Variants in GRIP2 observed in about 807,000 individuals in gnomAD.
The protein encoded by GRIP2 is glutamate receptor interacting protein 2, also known as glutamate receptor-interacting protein 2.
In GRIP2, 58 loss-of-function variants were observed where a neutral mutation model predicts 108.3. The observed-to-expected ratio is 0.54, with a 90% CI of 0.43 to 0.67. The LOEUF is 0.67. Ranked by LOEUF, GRIP2 falls within the 30% of genes least tolerant of loss-of-function variation. GRIP2 has a pLI of 0.00. For synonymous variants in GRIP2, 586 were observed against 598.2 expected (o/e 0.98, Z 0.30); for missense variants, 1,278 against 1,430.6 (o/e 0.89, Z 1.72).
chr3:14,535,242 T>C (rs1365847473), intron 1 of GRIP2, among the ~76,000 whole-genome samples: 1 of 152,152 alleles, frequency 6.6e-6, no homozygotes, highest in Non-Finnish European at 1.5e-5. Context: ...AAGGGAGGGA[T>C]AGGCTTTGGA....
In GRIP2 at chr3:14,523,912, T is replaced by C. The variant is rs1694480581; in HGVS notation, c.404-214A>G. 4 of 568,180 alleles carry C rather than the reference T, an allele frequency of 7.0e-6. No individual in the cohort carries two copies. In the East Asian group the frequency reaches 1.2e-4, roughly 16 times the overall value. 35.2% of individuals were successfully genotyped at this position (568,180 alleles called of 1,614,324 possible). A position where few individuals can be genotyped will look rare whatever the true frequency, so the allele number is the denominator to read the frequency against. On this transcript the variant is annotated intron_variant, in intron 4 of 23. Coordinates refer to ENST00000621039, the MANE Select transcript of GRIP2 (RefSeq NM_001080423.4). ...CACCACTGAGAGAGAGGAAAGGGCC[T>C]GCCCATGCTCACAGAGACGACGGCA...
intron 1 of GRIP2, among the ~76,000 whole-genome samples, chr3:14,527,654 T>A (rs1321656322): frequency 6.6e-6 from 1 of 151,714 alleles, no homozygotes; most frequent in Non-Finnish European, 1.5e-5. Flanking sequence ...CTTTGGGAGG[T>A]CAAGGTGGGC....
chr3:14,585,360 G>A, the GRIP2 span, among the ~76,000 whole-genome samples: 1 of 152,236 alleles, frequency 6.6e-6, no homozygotes, highest in Non-Finnish European at 1.5e-5. Flanking sequence ...ATTTTTAAAG[G>A]TGTTTGATTT....
the GRIP2 span, among the ~76,000 whole-genome samples, chr3:14,595,182 G>A: frequency 7.8e-4 from 118 of 152,132 alleles, 1 homozygote; most frequent in Middle Eastern, 3.4e-3. Flanking sequence ...ACAGATGTGC[G>A]CCACCACACC....
At chr3:14,562,249 G>C in the GRIP2 span, among the ~76,000 whole-genome samples, 368 of 152,292 alleles carry the variant, frequency 2.4e-3, no homozygotes, top group African/African-American at 8.4e-3. Context: ...GGCTGAGGCA[G>C]GGAAAATGCA....
In GRIP2 at chr3:14,512,779, C is replaced by T. The variant is rs754688569; in HGVS notation, c.1718G>A (p.Ser573Asn). ...AACAGCAGCGGGAGGAGACTCACAG[C>T]TGATGGTGATGCCCAGCTCCACGCT... The part of the protein sequence containing the change: ...KRSVELGITI[S>N]SASRKRGEPL... The change falls in exon 14 of 24, where the codon AGC becomes AAC. Residue 573 changes from serine (S) to asparagine (N), a missense_variant and splice_region_variant. Physicochemically the swap from Ser to Asn is conservative, Grantham distance 46 (BLOSUM62 1). Coordinates refer to ENST00000621039, the MANE Select transcript of GRIP2 (RefSeq NM_001080423.4). This position sits in a 1 kb window ranked among gnomAD's most constrained non-coding sequence, Gnocchi z 5.1. 1.2e-5 allele frequency: 20 copies of T among 1,613,252 alleles called. No individual in the cohort carries two copies. The highest frequency in any genetic ancestry group is 1.6e-5 in the Non-Finnish European group (19 of 1,179,770).
At chr3:14,585,664 C>A in the GRIP2 span, among the ~76,000 whole-genome samples, 1 of 152,250 alleles carries the variant, frequency 6.6e-6, no homozygotes, top group Non-Finnish European at 1.5e-5. Context: ...GCACAGCGAA[C>A]AAACCTCAGC....
At chr3:14,525,795 T>TA (rs1694539050) in intron 2 of GRIP2, 56 bp downstream of exon 2, 7 of 1,515,276 alleles carry the variant, frequency 4.6e-6, no homozygotes, top group Non-Finnish European at 5.4e-6. Flanking sequence ...GACCCCCACC[T>TA]AGGGCTCTCT....
chr3:14,519,720 C>G (rs1361714453), intron 9 of GRIP2, among the ~76,000 whole-genome samples: 1 of 152,200 alleles, frequency 6.6e-6, no homozygotes, highest in African/African-American at 2.4e-5. Context: ...AGGAGAAACT[C>G]CAGGCCCTCT....
chr3:14,567,015 G>A, the GRIP2 span, among the ~76,000 whole-genome samples: 2 of 151,404 alleles, frequency 1.3e-5, no homozygotes, highest in Admixed American at 1.3e-4. Context: ...GCTCCCAAAG[G>A]ACTCACTTGA....
At chr3:14,594,420 G>C in the GRIP2 span, among the ~76,000 whole-genome samples, 4 of 152,188 alleles carry the variant, frequency 2.6e-5, no homozygotes, top group African/African-American at 7.2e-5. Context: ...CGAGGGCAGA[G>C]GCTGGGAGCA....
chr3:14,526,895 G>T (rs1041698806), intron 1 of GRIP2, among the ~76,000 whole-genome samples: 2 of 152,202 alleles, frequency 1.3e-5, no homozygotes, highest in African/African-American at 4.8e-5. Context: ...TGTCAGAAAT[G>T]TAAATTATTG....
upstream of GRIP2, chr3:14,556,190 C>G: frequency 2.6e-6 from 1 of 389,476 alleles, no homozygotes; most frequent in Non-Finnish European, 4.5e-6. Flanking sequence ...AGTGCAGTGC[C>G]GGATGTTCTA....
In GRIP2 at chr3:14,511,114, C is replaced by T. The variant is rs963399040; in HGVS notation, c.1933+51G>A. 7 of 1,599,840 alleles carry T rather than the reference C, an allele frequency of 4.4e-6. No homozygotes were observed. The East Asian group carries it at 1.6e-4, about 36-fold the overall frequency. ...CCCTGAATTGCAAGCTGGGAACCCG[C>T]TAGTCAAAGGGTGGGCCTCTGGAGG... is the stretch of plus-strand genomic sequence containing the variant. On this transcript the variant is annotated intron_variant, in intron 16 of 23. Coordinates refer to ENST00000621039, the MANE Select transcript of GRIP2 (RefSeq NM_001080423.4). The surrounding 1 kb of genome is among the most constrained non-coding windows in gnomAD (Gnocchi z 4.1).
chr3:14,533,475 C>G (rs937382646), intron 1 of GRIP2, among the ~76,000 whole-genome samples: 4 of 152,196 alleles, frequency 2.6e-5, no homozygotes, highest in African/African-American at 9.7e-5. Flanking sequence ...CCCAAGTTCA[C>G]CAAATTCAGA....
At position 14,505,743 on chromosome 3, in the gene GRIP2, C is replaced by G. The variant is rs183031950; in HGVS notation, c.2445G>C (p.Glu815Asp). The G allele has an allele frequency of 6.3e-7, 1 of 1,581,916 alleles. No homozygotes were observed. The highest frequency in any genetic ancestry group is 8.6e-7 in the Non-Finnish European group (1 of 1,163,938). ...TGCCCCTCAGCCAGCCAGGCCTCCG[C>G]TCCTGGGGGGTCGTGCCCCGGGCTG... is the stretch of plus-strand genomic sequence containing the variant. ...QAAARGTTPQ[E>D]RRPGWLRGSP... Residue 815 changes from glutamate to aspartate, a missense_variant, in exon 20 of 24, where the codon GAG (glutamate) becomes GAC (aspartate). By Grantham distance (45) the Glu-to-Asp change is conservative (BLOSUM62 2). Transcript: ENST00000621039. The surrounding 1 kb of genome is among the most constrained non-coding windows in gnomAD (Gnocchi z 4.2).
intron 1 of GRIP2, among the ~76,000 whole-genome samples, chr3:14,551,694 G>A (rs9817341): frequency 0.23 from 34,487 of 152,102 alleles, 4,276 homozygotes; most frequent in South Asian, 0.38. Flanking sequence ...GAATACAACC[G>A]AGGGGTCCCT....
At chr3:14,552,993 C>G (rs932099725) in intron 1 of GRIP2, among the ~76,000 whole-genome samples, 3 of 152,180 alleles carry the variant, frequency 2.0e-5, no homozygotes, top group Admixed American at 6.5e-5. Flanking sequence ...CCAAGCTCTA[C>G]AGCCTTTCAC....
At chr3:14,601,630 C>T in the GRIP2 span, among the ~76,000 whole-genome samples, 5 of 152,202 alleles carry the variant, frequency 3.3e-5, no homozygotes, top group Non-Finnish European at 7.3e-5. Flanking sequence ...AAGCAAGACC[C>T]TCCACGGGCT....
Sources: gnomAD v4.1 joint callset for allele counts (sites outside exome capture counted in the v4.1 genomes callset) on GRCh38, gnomAD v4.1.1 for gene constraint, Gnocchi (gnomAD v3.1) non-coding constraint, MANE v1.5 for transcripts, NCBI Gene and HGNC (gene_info 2026-07-23, HGNC 2026-07-21) for gene names.